MGA: variants seen among roughly 807,000 people sequenced by gnomAD.
The protein encoded by MGA is MAX dimerization protein MGA.
MGA carries 40 observed loss-of-function variants against 261.1 expected under a neutral mutation model. That is an observed-to-expected ratio of 0.15 (90% confidence interval 0.12 to 0.20). The LOEUF is 0.20. MGA is among the 10% of genes least tolerant of loss of function. The pLI, the probability that MGA is intolerant of heterozygous loss-of-function variation, is 1.00. For missense variants in MGA, 3,397 were observed against 3,630.5 expected (o/e 0.94, Z 1.65); for synonymous variants, 1,302 against 1,290.6 (o/e 1.01, Z -0.19).
In MGA at chr15:41,682,381, G is replaced by A. The variant is rs543071872; in HGVS notation, c.1064+12423G>A. ...TTATTCTCCTTTGCCAATCTGATCT[G>A]GTTGTACTCTAGGCCCCTACCAAGC... On this transcript the variant is annotated intron_variant, in intron 2 of 23. Transcript: ENST00000219905. 2.6e-5 allele frequency among the ~76,000 whole-genome samples: 4 copies of A among 152,210 alleles called. No homozygotes were observed. In the South Asian group the frequency reaches 8.3e-4, roughly 32 times the overall value.
intron 2 of MGA, among the ~76,000 whole-genome samples, chr15:41,689,907 A>C (rs2059178369): frequency 6.6e-6 from 1 of 152,216 alleles, no homozygotes; most frequent in Non-Finnish European, 1.5e-5. Flanking sequence ...AAACTTTAAA[A>C]ATTGAGATAT....
upstream of MGA, among the ~76,000 whole-genome samples, chr15:41,657,309 C>T (rs183524806): frequency 4.8e-4 from 71 of 148,018 alleles, no homozygotes; most frequent in Non-Finnish European, 3.0e-4. Flanking sequence ...CTGCCTAGGA[C>T]CTGAATTTTC....
chr15:41,767,842 C>A lies in MGA; in HGVS notation c.*562C>A, dbSNP rs1447261678. The A allele has an allele frequency of 6.5e-6, 1 of 152,830 alleles. No homozygotes were observed. Among genetic ancestry groups the A allele is most frequent in the African/African-American group, 2.4e-5 (1 of 41,426 alleles). 9.5% of individuals were successfully genotyped at this position (152,830 alleles called of 1,614,324 possible). A position where few individuals can be genotyped will look rare whatever the true frequency, so the allele number is the denominator to read the frequency against. ...TCAGTAAAATTTTCTTTTTTCATAT[C>A]CTAAGTAGCTCCCATTCCCTCACCT... On this transcript the variant is annotated 3_prime_UTR_variant, in exon 24 of 24. Coordinates refer to ENST00000219905, the MANE Select transcript of MGA (RefSeq NM_001164273.2).
chr15:41,652,627 C>G (rs1455608243), intron 1 of MGA, among the ~76,000 whole-genome samples: 1 of 151,558 alleles, frequency 6.6e-6, no homozygotes, highest in Non-Finnish European at 1.5e-5. Context: ...CTGTCTTGGC[C>G]TACCAAAGTG....
rs1471228323 is a variant in MGA at position 41,736,654 on chromosome 15, G to A, written c.4390G>A (p.Ala1464Thr). Reference sequence around the variant, plus strand: ...GCTTTCTCCTGCAGGGAAGCTTGTGGCCTATAAACGTAAACCCAGTTCAAG... The same window carrying A: ...GCTTTCTCCTGCAGGGAAGCTTGTGACCTATAAACGTAAACCCAGTTCAAG... The change falls in exon 13 of 24, where the codon GCC becomes ACC. Residue 1464 changes from alanine to threonine, a missense_variant. Coordinates refer to ENST00000219905, the MANE Select transcript of MGA (RefSeq NM_001164273.2). 3.7e-6 allele frequency: 6 copies of A among 1,613,342 alleles called. No individual in the cohort carries two copies. Among genetic ancestry groups the A allele is most frequent in the African/African-American group, 1.3e-5 (1 of 74,870 alleles).
chr15:41,767,406 T>C lies in MGA; in HGVS notation c.*126T>C. On this transcript the variant is annotated 3_prime_UTR_variant, in exon 24 of 24. Coordinates refer to ENST00000219905, the MANE Select transcript of MGA (RefSeq NM_001164273.2). ...TTGACTTCAATGATGCAGTGGATAA[T>C]GATGGGAGAAAGGGGGTAGGGTGCT... 12 of 996,546 alleles carry C rather than the reference T, an allele frequency of 1.2e-5. No individual in the cohort carries two copies. The highest frequency in any genetic ancestry group is 1.8e-5 in the Non-Finnish European group (12 of 678,830). 61.7% of individuals were successfully genotyped at this position (996,546 alleles called of 1,614,324 possible).
chr15:41,699,507 G>T lies in MGA; in HGVS notation c.2188+348G>T, dbSNP rs184612251. Among the ~76,000 whole-genome samples, 208 of 152,186 alleles carry T rather than the reference G, an allele frequency of 1.4e-3. 1 individual carries two copies. Among genetic ancestry groups the T allele is most frequent in the African/African-American group, 4.7e-3 (197 of 41,540 alleles). On this transcript the variant is annotated intron_variant, in intron 5 of 23. Transcript: ENST00000219905. ...TGCTTTTGTTTATGTGTGTGTGTGT[G>T]TGTTTGTTTGAGACGGAGTTTCGCT...
At chr15:41,644,311 C>A (rs1349838774) in intron 1 of MGA, among the ~76,000 whole-genome samples, 2 of 139,662 alleles carry the variant, frequency 1.4e-5, no homozygotes, top group Non-Finnish European at 3.0e-5. Flanking sequence ...TAGTTTGAGA[C>A]CAGCCTGGGC....
intron 9 of MGA, among the ~76,000 whole-genome samples, chr15:41,720,455 T>G (rs1230662212): frequency 6.6e-6 from 1 of 152,122 alleles, no homozygotes; most frequent in Admixed American, 6.5e-5. Flanking sequence ...GGCAAAAGTA[T>G]GGCCAGGAGG....
At chr15:41,686,098 AATTTTCTAC>A (rs2058952109) in intron 2 of MGA, among the ~76,000 whole-genome samples, 1 of 152,120 alleles carries the variant, frequency 6.6e-6, no homozygotes. Context: ...GTCCTTTAGA[AATTTTCTAC>A]ATGTACAGTG....
At chr15:41,685,163 G>A (rs1412324276) in intron 2 of MGA, among the ~76,000 whole-genome samples, 1 of 152,082 alleles carries the variant, frequency 6.6e-6, no homozygotes, top group Non-Finnish European at 1.5e-5. Context: ...GAAGGGTCAG[G>A]GTTCGTATTT....
chr15:41,656,599 G>T (rs1032978532), upstream of MGA, among the ~76,000 whole-genome samples: 2 of 151,706 alleles, frequency 1.3e-5, no homozygotes, highest in Non-Finnish European at 2.9e-5. Context: ...AGCTCAAACA[G>T]TCCGTCCCAC....
At chr15:41,678,540 C>G (rs961312662) in intron 2 of MGA, among the ~76,000 whole-genome samples, 1 of 150,044 alleles carries the variant, frequency 6.7e-6, no homozygotes, top group African/African-American at 2.4e-5. Flanking sequence ...CTGAGGCGGG[C>G]GGATCACGAG....
chr15:41,664,873 AC>A (rs370377316), intron 1 of MGA, among the ~76,000 whole-genome samples: 13 of 152,302 alleles, frequency 8.5e-5, no homozygotes, highest in African/African-American at 3.1e-4. Flanking sequence ...AAACCAATCA[AC>A]TTCATAGGTA....
At chr15:41,722,122 ATTTTTTTTTTTTTT>A (rs35690314) in intron 9 of MGA, among the ~76,000 whole-genome samples, 1 of 87,738 alleles carries the variant, frequency 1.1e-5, no homozygotes, top group African/African-American at 4.8e-5. Context: ...AAGTAGGCCA[ATTTTTTTTTTTTTT>A]TTTTTTTTTT....
intron 2 of MGA, among the ~76,000 whole-genome samples, chr15:41,695,082 A>G (rs189815814): frequency 5.5e-4 from 84 of 152,292 alleles, no homozygotes; most frequent in Middle Eastern, 3.4e-3. Context: ...CTGTGCTGCT[A>G]ACGTGTTGAC....
intron 1 of MGA, among the ~76,000 whole-genome samples, chr15:41,665,413 G>T (rs2057671873): frequency 1.3e-5 from 2 of 151,536 alleles, no homozygotes; most frequent in African/African-American, 2.4e-5. Context: ...TTGAGACAGG[G>T]TCTCACTCTG....
At chr15:41,625,744 T>C (rs1330894710) in intron 1 of MGA, among the ~76,000 whole-genome samples, 2 of 152,008 alleles carry the variant, frequency 1.3e-5, no homozygotes, top group African/African-American at 2.4e-5. Flanking sequence ...AATAAATAAA[T>C]ACGGTGCCTT....
intron 1 of MGA, among the ~76,000 whole-genome samples, chr15:41,627,917 T>C (rs1317193552): frequency 6.6e-6 from 1 of 152,122 alleles, no homozygotes; most frequent in South Asian, 2.1e-4. Context: ...AGGATGAAAA[T>C]ACAAATCGGA....
Sources: allele counts gnomAD v4.1 joint callset (sites outside exome capture counted in the v4.1 genomes callset), GRCh38; gene constraint gnomAD v4.1.1; transcripts MANE v1.5; gene names NCBI Gene and HGNC (gene_info 2026-07-23, HGNC 2026-07-21).